PGPEP1L: variants seen among roughly 807,000 people sequenced by gnomAD.
The protein encoded by PGPEP1L is pyroglutamyl-peptidase I like.
PGPEP1L carries 7 observed loss-of-function variants against 6.0 expected under a neutral mutation model. The ratio of observed to expected loss-of-function variants is 1.17; its 90% CI spans 0.66 to 2.19. PGPEP1L has a LOEUF of 2.19. PGPEP1L is among the 30% of genes most tolerant of loss of function. The pLI, the probability that PGPEP1L is intolerant of heterozygous loss-of-function variation, is 0.00. For missense variants in PGPEP1L, 209 were observed against 192.5 expected, an observed-to-expected ratio of 1.09 and a Z score of -0.51; for synonymous variants, 103 against 83.9, an observed-to-expected ratio of 1.23 and a Z score of -1.24.
At chr15:99,001,154 G>A (rs536161627) in intron 2 of PGPEP1L, 10 of 446,064 alleles carry the variant, frequency 2.2e-5, no homozygotes, top group African/African-American at 1.6e-4. Flanking sequence ...AATAAACTCT[G>A]GACACGCCGC....
rs148694787 is a variant in PGPEP1L at position 98,980,854 on chromosome 15, C to T, written c.-141-9696G>A. On this transcript the variant is annotated intron_variant, in intron 2 of 4. Transcript: ENST00000535714. ...GGCTGAGCCAGGAGAATTGCTCGAA[C>T]CTGGGGGGCAGAGCTTGCACTGAGC... Among the ~76,000 whole-genome samples the T allele has an allele frequency of 2.7e-3, 409 of 152,070 alleles. 1 individual carries two copies. The highest frequency in any genetic ancestry group is 0.024 in the Middle Eastern group (7 of 294).
intron 2 of PGPEP1L, among the ~76,000 whole-genome samples, chr15:99,000,996 G>A (rs1021864052): frequency 6.6e-6 from 1 of 151,996 alleles, no homozygotes; most frequent in Non-Finnish European, 1.5e-5. Flanking sequence ...GCGAGACCAC[G>A]AACCCACTGG....
intron 2 of PGPEP1L, among the ~76,000 whole-genome samples, chr15:98,990,612 C>A (rs1194182319): frequency 6.6e-6 from 1 of 152,074 alleles, no homozygotes; most frequent in Non-Finnish European, 1.5e-5. Flanking sequence ...ACCAAGCAGA[C>A]CTAAGAGACA....
intron 2 of PGPEP1L, among the ~76,000 whole-genome samples, chr15:99,004,813 ACT>A (rs1555473423): frequency 6.6e-6 from 1 of 151,566 alleles, no homozygotes; most frequent in East Asian, 1.9e-4. Flanking sequence ...GGTGGGGGTG[ACT>A]CTGGATGTGC....
chr15:98,985,054 A>T (rs567022249), intron 2 of PGPEP1L, among the ~76,000 whole-genome samples: 3 of 152,206 alleles, frequency 2.0e-5, no homozygotes, highest in Admixed American at 2.0e-4. Flanking sequence ...GTGAGCAAGA[A>T]GATTGAGCAG....
At chr15:98,977,181 A>G (rs1229867853) in intron 2 of PGPEP1L, among the ~76,000 whole-genome samples, 2 of 152,138 alleles carry the variant, frequency 1.3e-5, no homozygotes, top group Non-Finnish European at 2.9e-5. Context: ...TTTTCTCAAA[A>G]TATTAACTTT....
intron 2 of PGPEP1L, among the ~76,000 whole-genome samples, chr15:98,983,212 T>C (rs2017694630): frequency 6.6e-6 from 1 of 151,912 alleles, no homozygotes; most frequent in Non-Finnish European, 1.5e-5. Flanking sequence ...TTGGAAAGGT[T>C]TGCAGTTACT....
chr15:98,989,755 G>A (rs578123365), intron 2 of PGPEP1L, among the ~76,000 whole-genome samples: 1 of 152,160 alleles, frequency 6.6e-6, no homozygotes, highest in Non-Finnish European at 1.5e-5. Context: ...CCCACAAAGG[G>A]AACCCTATCA....
rs889288089 is a variant in PGPEP1L at position 98,971,267 on chromosome 15, C to T, written c.-141-109G>A. 9.1e-5 allele frequency: 124 copies of T among 1,370,052 alleles called. 1 individual carries two copies. The highest frequency in any genetic ancestry group is 1.1e-4 in the Non-Finnish European group (115 of 1,024,546). 84.9% of individuals were successfully genotyped at this position (1,370,052 alleles called of 1,614,324 possible). A position where few individuals can be genotyped will look rare whatever the true frequency, so the allele number is the denominator to read the frequency against. The stretch of plus-strand genomic sequence containing the variant: ...TTGGGGTCTACTTCCAGGGGTCTTC[C>T]GCAGCCTGGACTTTGCCCTCAAGGA... On this transcript the variant is annotated intron_variant, in intron 2 of 4. Transcript: ENST00000535714.
chr15:98,970,658 C>T (rs1407454933), intron 3 of PGPEP1L, among the ~76,000 whole-genome samples: 2 of 152,148 alleles, frequency 1.3e-5, no homozygotes, highest in Admixed American at 6.5e-5. Context: ...CCCTCCCAGT[C>T]GCTCCCTGGG....
chr15:99,000,526 C>G (rs576480506), intron 2 of PGPEP1L, among the ~76,000 whole-genome samples: 20 of 152,274 alleles, frequency 1.3e-4, no homozygotes, highest in Admixed American at 3.3e-4. Flanking sequence ...ATACACCAAT[C>G]GGCACTCTGT....
In PGPEP1L at chr15:98,980,004, A is replaced by G. The variant is rs552245084; in HGVS notation, c.-141-8846T>C. Among the ~76,000 whole-genome samples, 415 of 152,276 alleles carry G rather than the reference A, an allele frequency of 2.7e-3. 3 individuals carry two copies. The highest frequency in any genetic ancestry group is 3.0e-3 in the Non-Finnish European group (204 of 68,016). Reference sequence around the variant, plus strand: ...GCTATGAGGATGCAAAGGCATAAGAATGATACAATGGACACTGGGGACTCG... The same window carrying G: ...GCTATGAGGATGCAAAGGCATAAGAGTGATACAATGGACACTGGGGACTCG... On this transcript the variant is annotated intron_variant, in intron 2 of 4. Coordinates refer to ENST00000535714, the MANE Select transcript of PGPEP1L (RefSeq NM_001167902.2).
intron 2 of PGPEP1L, among the ~76,000 whole-genome samples, chr15:98,990,184 G>C (rs1596522755): frequency 6.6e-6 from 1 of 152,006 alleles, no homozygotes; most frequent in Non-Finnish European, 1.5e-5. Flanking sequence ...TACACAGACT[G>C]GCAAATTGGA....
chr15:99,000,279 G>A (rs888282825), intron 2 of PGPEP1L, among the ~76,000 whole-genome samples: 2 of 152,150 alleles, frequency 1.3e-5, no homozygotes, highest in Admixed American at 6.5e-5. Context: ...CGCCATGCCG[G>A]AGCTCCCCCT....
intron 2 of PGPEP1L, among the ~76,000 whole-genome samples, chr15:99,004,628 G>A (rs1555473394): frequency 1.3e-5 from 2 of 152,192 alleles, no homozygotes; most frequent in Non-Finnish European, 2.9e-5. Context: ...TGAGGCAGGA[G>A]AATCGCTTGA....
chr15:98,991,230 AAG>A (rs1235167204), intron 2 of PGPEP1L, among the ~76,000 whole-genome samples: 1 of 152,160 alleles, frequency 6.6e-6, no homozygotes, highest in Non-Finnish European at 1.5e-5. Context: ...TAATAAAGAA[AAG>A]AGAGAAGAAT....
intron 2 of PGPEP1L, among the ~76,000 whole-genome samples, chr15:98,980,941 A>AG (rs901328810): frequency 2.0e-5 from 3 of 150,682 alleles, no homozygotes; most frequent in African/African-American, 7.3e-5. Flanking sequence ...TGGAAAAGGA[A>AG]AAAAAAAAAA....
At chr15:98,991,628 A>G (rs1555472091) in intron 2 of PGPEP1L, among the ~76,000 whole-genome samples, 1 of 152,160 alleles carries the variant, frequency 6.6e-6, no homozygotes, top group African/African-American at 2.4e-5. Context: ...CCTGATACCA[A>G]AAACCTGGCA....
chr15:98,968,654 T>C lies in PGPEP1L; in HGVS notation c.253A>G (p.Lys85Glu). ...YTYYLSLHHG[K>E]GCAALIHVPP... ...ACATGGATGAGTGCCGCGCAGCCCTTTCCATGATGCAGAGACAGGTAATAG... is the reference window on the plus strand; with the variant it reads ...ACATGGATGAGTGCCGCGCAGCCCTCTCCATGATGCAGAGACAGGTAATAG... Residue 85 changes from lysine (K) to glutamate (E), a missense_variant, in exon 5 of 5, where the codon AAG becomes GAG. Coordinates refer to ENST00000535714, the MANE Select transcript of PGPEP1L (RefSeq NM_001167902.2). 6.3e-7 allele frequency: 1 copy of C among 1,591,994 alleles called. No individual in the cohort carries two copies. The highest frequency in any genetic ancestry group is 8.6e-7 in the Non-Finnish European group (1 of 1,168,876).
Sources: gnomAD v4.1 joint callset for allele counts (sites outside exome capture counted in the v4.1 genomes callset) on GRCh38, gnomAD v4.1.1 for gene constraint, MANE v1.5 for transcripts, NCBI Gene and HGNC (gene_info 2026-07-23, HGNC 2026-07-21) for gene names.